The following LOXHD1 variants were observed in gnomAD, a reference collection of about 807,000 sequenced individuals.
The protein encoded by LOXHD1 is lipoxygenase homology domain-containing protein 1.
A neutral mutation model predicts 248.2 loss-of-function variants in LOXHD1; 205 were observed. The ratio of observed to expected loss-of-function variants is 0.83; its 90% CI spans 0.74 to 0.93. The LOEUF is 0.93. Ranked by LOEUF, LOXHD1 falls within the 40% of genes least tolerant of loss-of-function variation. LOXHD1 has a pLI of 0.00. For missense variants in LOXHD1, 2,930 were observed against 2,971.6 expected (o/e 0.99, Z 0.33); for synonymous variants, 1,113 against 1,162.8 (o/e 0.96, Z 0.87).
chr18:46,524,254 T>A (rs188460593), intron 31 of LOXHD1, among the ~76,000 whole-genome samples: 1 of 152,336 alleles, frequency 6.6e-6, no homozygotes, highest in African/African-American at 2.4e-5. Context: ...AACCTTTGTT[T>A]CCCCATCTGC....
intron 37 of LOXHD1, among the ~76,000 whole-genome samples, chr18:46,491,214 T>C (rs2033449937): frequency 6.6e-6 from 1 of 152,224 alleles, no homozygotes; most frequent in Admixed American, 6.5e-5. Flanking sequence ...TATCCAGCTC[T>C]TAGAGAGTTT....
intron 1 of LOXHD1, among the ~76,000 whole-genome samples, chr18:46,650,698 G>A: frequency 7.5e-6 from 1 of 134,212 alleles, no homozygotes; most frequent in East Asian, 2.5e-4. Context: ...GGCAAAGTGT[G>A]AGGGAGAATG....
At chr18:46,484,779 G>A (rs1282654600) in intron 39 of LOXHD1, among the ~76,000 whole-genome samples, 2 of 152,186 alleles carry the variant, frequency 1.3e-5, no homozygotes, top group African/African-American at 4.8e-5. Flanking sequence ...TGTTTGGACT[G>A]AGTAGCACTG....
chr18:46,601,641 T>G, intron 7 of LOXHD1, 174 bp from the exon 8 acceptor site: 1 of 792,026 alleles, frequency 1.3e-6, no homozygotes, highest in Non-Finnish European at 2.0e-6. Flanking sequence ...TCGACCTCAT[T>G]TCATCTTTTC....
chr18:46,610,767 T>C lies in LOXHD1; in HGVS notation c.759+9A>G, dbSNP rs1047954371. On this transcript the variant is annotated intron_variant, in intron 6 of 40. Transcript: ENST00000642948. ...GCCACAGGGACTGCAGAGAAGCAGC[T>C]GAACTCACCTGGGACAGGAACCAAC... 13 of 1,547,862 alleles carry C rather than the reference T, an allele frequency of 8.4e-6. No individual in the cohort carries two copies. The highest frequency in any genetic ancestry group is 1.0e-5 in the Non-Finnish European group (12 of 1,144,766).
intron 8 of LOXHD1, among the ~76,000 whole-genome samples, chr18:46,595,919 G>T (rs1049078895): frequency 6.6e-6 from 1 of 152,088 alleles, no homozygotes; most frequent in African/African-American, 2.4e-5. Flanking sequence ...AAAAGTCTGA[G>T]GTTGTGTGTT....
chr18:46,559,301 T>C (rs991795464), intron 20 of LOXHD1, 147 bp downstream of exon 20: 43 of 1,544,064 alleles, frequency 2.8e-5, no homozygotes, highest in Middle Eastern at 1.7e-4. Context: ...TCAGTGTTAC[T>C]GAAGAGGTAC....
At chr18:46,532,983 T>C (rs920186420) in intron 28 of LOXHD1, among the ~76,000 whole-genome samples, 179 bp downstream of exon 28, 2 of 152,244 alleles carry the variant, frequency 1.3e-5, no homozygotes, top group Non-Finnish European at 2.9e-5. Context: ...CTATTAGCTG[T>C]GTGCACTTAG....
chr18:46,589,844 T>C (rs574832020), intron 12 of LOXHD1, among the ~76,000 whole-genome samples: 2 of 152,062 alleles, frequency 1.3e-5, no homozygotes, highest in East Asian at 1.9e-4. Flanking sequence ...CCCTCCTCAG[T>C]TGATGAGGAG....
chr18:46,520,389 A>C (rs749065006), intron 33 of LOXHD1: 36 of 438,080 alleles, frequency 8.2e-5, no homozygotes, highest in Non-Finnish European at 1.7e-4. Context: ...TTGACCCCAT[A>C]GCCATGAGCC....
chr18:46,534,497 G>A, intron 26 of LOXHD1, 46 bp from the exon 27 acceptor site: 1 of 1,455,496 alleles, frequency 6.9e-7, no homozygotes, highest in Non-Finnish European at 9.4e-7. Context: ...AAAGATCCAG[G>A]AAAGTATGGC....
At chr18:46,509,869 T>TGGGG in intron 34 of LOXHD1, 54 bp from the exon 35 acceptor site, 1 of 399,562 alleles carries the variant, frequency 2.5e-6, no homozygotes, top group Admixed American at 3.4e-5. Context: ...TGGGGAGGGT[T>TGGGG]GGGGTGGGCC....
intron 26 of LOXHD1, among the ~76,000 whole-genome samples, chr18:46,537,533 C>T (rs535759712): frequency 6.6e-6 from 1 of 152,274 alleles, no homozygotes; most frequent in African/African-American, 2.4e-5. Flanking sequence ...CTTGTGTCTC[C>T]CACCCAACCT....
intron 29 of LOXHD1, among the ~76,000 whole-genome samples, chr18:46,526,736 A>G (rs1598920548): frequency 6.6e-6 from 1 of 152,176 alleles, no homozygotes; most frequent in Non-Finnish European, 1.5e-5. Context: ...AGGAAGCTGG[A>G]GGGTGGGTTG....
At chr18:46,587,809 C>T (rs1369485420) in intron 12 of LOXHD1, among the ~76,000 whole-genome samples, 1 of 152,076 alleles carries the variant, frequency 6.6e-6, no homozygotes, top group Non-Finnish European at 1.5e-5. Context: ...TCATGTAGCT[C>T]CTGAGGGACA....
chr18:46,534,493 C>G, intron 26 of LOXHD1, 42 bp from the exon 27 acceptor site: 1 of 1,477,312 alleles, frequency 6.8e-7, no homozygotes, highest in Non-Finnish European at 9.3e-7. Context: ...GCTGAAAGAT[C>G]CAGGAAAGTA....
chr18:46,548,281 G>T (rs116896381), intron 21 of LOXHD1, among the ~76,000 whole-genome samples: 4,083 of 147,292 alleles, frequency 0.028, 89 homozygotes, highest in Non-Finnish European at 0.039. Flanking sequence ...ATGCACAAGG[G>T]CCACTCAGGG....
chr18:46,538,104 C>T (rs1271318763), intron 26 of LOXHD1, 52 bp downstream of exon 26: 5 of 1,469,898 alleles, frequency 3.4e-6, no homozygotes, highest in Non-Finnish European at 4.6e-6. Flanking sequence ...GGCTTCTCCT[C>T]TCCCTCTGTC....
chr18:46,502,907 G>T (rs996893000), intron 37 of LOXHD1, among the ~76,000 whole-genome samples: 1 of 152,188 alleles, frequency 6.6e-6, no homozygotes, highest in African/African-American at 2.4e-5. Context: ...GGCTCAGGCT[G>T]CTGGGGATAC....
Sources: allele counts gnomAD v4.1 joint callset (sites outside exome capture counted in the v4.1 genomes callset), GRCh38; gene constraint gnomAD v4.1.1; transcripts MANE v1.5; gene names NCBI Gene and HGNC (gene_info 2026-07-23, HGNC 2026-07-21).